The following PRELID2 variants were observed in gnomAD, a reference collection of about 807,000 sequenced individuals.
PRELID2 encodes PRELI domain-containing protein 2.
Under a neutral mutation model 28.4 loss-of-function variants are expected in PRELID2, and 25 were observed. That is an observed-to-expected ratio of 0.88 (90% CI 0.64 to 1.23). PRELID2 has a LOEUF of 1.23. Among genes scored for constraint, PRELID2 ranks in the 50% most tolerant of loss-of-function variants. The pLI is 0.00. For missense variants in PRELID2, 201 were observed against 214.4 expected, an observed-to-expected ratio of 0.94 and a Z score of 0.39; for synonymous variants, 76 against 71.6, an observed-to-expected ratio of 1.06 and a Z score of -0.31.
At chr5:145,610,207 A>G (rs1025113406) in intron 1 of PRELID2, among the ~76,000 whole-genome samples, 8 of 152,134 alleles carry the variant, frequency 5.3e-5, no homozygotes, top group Non-Finnish European at 4.4e-5. Context: ...CCCACATTGA[A>G]GAGGTTCTAC....
chr5:145,415,478 T>C, the PRELID2 span, among the ~76,000 whole-genome samples: 1 of 139,608 alleles, frequency 7.2e-6, no homozygotes, highest in Non-Finnish European at 1.5e-5. Context: ...CCCCTTCCTG[T>C]GTCCATGTGA....
intron 1 of PRELID2, among the ~76,000 whole-genome samples, chr5:145,703,252 A>G (rs974099638): frequency 2.6e-5 from 4 of 152,230 alleles, no homozygotes; most frequent in Admixed American, 6.5e-5. Context: ...GAAATGCCTT[A>G]AGCAATTGAT....
chr5:145,259,850 G>A, the PRELID2 span, among the ~76,000 whole-genome samples: 340 of 152,258 alleles, frequency 2.2e-3, 1 homozygote, highest in African/African-American at 8.0e-3. Flanking sequence ...TTTGGGAGGG[G>A]AAAGGAGTAG....
chr5:145,401,386 C>A, the PRELID2 span, among the ~76,000 whole-genome samples: 1 of 152,098 alleles, frequency 6.6e-6, no homozygotes, highest in East Asian at 1.9e-4. Flanking sequence ...TGAAGAACTT[C>A]CTCTGCAGTA....
chr5:145,390,413 A>T, the PRELID2 span, among the ~76,000 whole-genome samples: 2 of 152,336 alleles, frequency 1.3e-5, no homozygotes, highest in East Asian at 3.9e-4. Flanking sequence ...AAGGAAGCAA[A>T]CATACCTCTC....
At chr5:145,369,017 C>T in the PRELID2 span, among the ~76,000 whole-genome samples, 6 of 151,542 alleles carry the variant, frequency 4.0e-5, no homozygotes, top group Non-Finnish European at 5.9e-5. Flanking sequence ...TCTATGTGTC[C>T]GTGTATTTTC....
the PRELID2 span, among the ~76,000 whole-genome samples, chr5:145,454,110 A>T: frequency 6.6e-6 from 1 of 152,096 alleles, no homozygotes; most frequent in Non-Finnish European, 1.5e-5. Flanking sequence ...ATTTCTCCAC[A>T]TCCTCTCCAG....
chr5:145,555,548 T>C (rs564479868), intron 1 of PRELID2, among the ~76,000 whole-genome samples: 1 of 152,314 alleles, frequency 6.6e-6, no homozygotes, highest in Non-Finnish European at 1.5e-5. Context: ...GGTAGCATTA[T>C]CACACAGCCC....
At chr5:145,676,220 C>CA (rs34833967) in intron 1 of PRELID2, among the ~76,000 whole-genome samples, 2,761 of 53,264 alleles carry the variant, frequency 0.052, 65 homozygotes, top group African/African-American at 0.061. Flanking sequence ...AACTCCATCT[C>CA]AAAAAAAAAA....
the PRELID2 span, among the ~76,000 whole-genome samples, chr5:145,356,994 T>C: frequency 6.6e-6 from 1 of 152,220 alleles, no homozygotes; most frequent in African/African-American, 2.4e-5. Flanking sequence ...CATTCACTTA[T>C]GAAGTTTAGT....
intron 1 of PRELID2, among the ~76,000 whole-genome samples, chr5:145,665,445 C>T (rs1371073764): frequency 6.6e-6 from 1 of 152,074 alleles, no homozygotes; most frequent in African/African-American, 2.4e-5. Flanking sequence ...TTACTCAATG[C>T]CATAGCCTCT....
intron 1 of PRELID2, among the ~76,000 whole-genome samples, chr5:145,638,461 A>C (rs1400085498): frequency 6.6e-6 from 1 of 152,204 alleles, no homozygotes; most frequent in Non-Finnish European, 1.5e-5. Context: ...ATTATTATCT[A>C]AAATTATTTT....
the PRELID2 span, among the ~76,000 whole-genome samples, chr5:145,298,859 A>G: frequency 4.6e-5 from 7 of 152,240 alleles, no homozygotes; most frequent in African/African-American, 1.7e-4. Flanking sequence ...AATAGGTTAC[A>G]TATTTGTTAT....
the PRELID2 span, among the ~76,000 whole-genome samples, chr5:145,312,730 T>C: frequency 6.6e-6 from 1 of 152,326 alleles, no homozygotes; most frequent in East Asian, 1.9e-4. Context: ...ATTGTGTATA[T>C]ATACCACATT....
At chr5:145,284,708 C>T in the PRELID2 span, among the ~76,000 whole-genome samples, 1 of 152,082 alleles carries the variant, frequency 6.6e-6, no homozygotes. Flanking sequence ...TCTGTTCTTT[C>T]TCCTACCCTC....
the PRELID2 span, among the ~76,000 whole-genome samples, chr5:145,305,540 T>C: frequency 6.6e-6 from 1 of 152,102 alleles, no homozygotes; most frequent in Non-Finnish European, 1.5e-5. Flanking sequence ...AACTGGTCAC[T>C]TGAGGGCAGG....
At chr5:145,674,142 A>G (rs1409418629) in intron 1 of PRELID2, among the ~76,000 whole-genome samples, 4 of 152,336 alleles carry the variant, frequency 2.6e-5, no homozygotes, top group Non-Finnish European at 5.9e-5. Flanking sequence ...CAAACCTACA[A>G]AACTTTTAAA....
the PRELID2 span, among the ~76,000 whole-genome samples, chr5:145,256,989 AG>A: frequency 6.6e-6 from 1 of 151,918 alleles, no homozygotes; most frequent in African/African-American, 2.4e-5. Context: ...GTTTTTAAAA[AG>A]TTTCTTTGGC....
At chr5:145,315,545 GGTGTGTGTGTGTGTGTGTGTGTGT>G in the PRELID2 span, among the ~76,000 whole-genome samples, 2 of 142,908 alleles carry the variant, frequency 1.4e-5, no homozygotes, top group African/African-American at 2.6e-5. Flanking sequence ...GCTCTTTCAG[GGTGTGTGTGTGTGTGTGTGTGTGT>G]GTGTGTGTGT....
Sources: gnomAD v4.1 joint callset for allele counts (sites outside exome capture counted in the v4.1 genomes callset) on GRCh38, gnomAD v4.1.1 for gene constraint, MANE v1.5 for transcripts, NCBI Gene and HGNC (gene_info 2026-07-23, HGNC 2026-07-21) for gene names.